CENPK: variants seen among roughly 807,000 people sequenced by gnomAD.
CENPK encodes SoxLZ/Sox6-binding protein Solt.
A neutral mutation model predicts 40.9 loss-of-function variants in CENPK; 46 were observed. The ratio of observed to expected loss-of-function variants is 1.13; its 90% CI spans 0.89 to 1.44. The LOEUF (loss-of-function observed/expected upper bound fraction) is 1.44. Among genes scored for constraint, CENPK ranks in the 40% most tolerant of loss-of-function variants. The pLI is 0.00. For missense variants in CENPK, 288 were observed against 303.5 expected, an observed-to-expected ratio of 0.95 and a Z score of 0.38; for synonymous variants, 107 against 104.4, an observed-to-expected ratio of 1.02 and a Z score of -0.15.
chr5:65,528,244 G>T (rs1244743735), intron 9 of CENPK, among the ~76,000 whole-genome samples: 2 of 87,672 alleles, frequency 2.3e-5, no homozygotes, highest in African/African-American at 4.3e-5. Flanking sequence ...CTGTCCCCCC[G>T]CCCCCCTGCC....
intron 6 of CENPK, among the ~76,000 whole-genome samples, chr5:65,531,212 C>T (rs1745747114): frequency 6.9e-6 from 1 of 145,172 alleles, no homozygotes; most frequent in Non-Finnish European, 1.5e-5. Context: ...TCAATGCAAT[C>T]ATATTGATTA....
chr5:65,551,527 G>T, intron 5 of CENPK, 37 bp downstream of exon 5: 1 of 1,151,060 alleles, frequency 8.7e-7, no homozygotes, highest in Non-Finnish European at 1.2e-6. Flanking sequence ...CTATTAATAG[G>T]TTTACAAAAA....
intron 6 of CENPK, among the ~76,000 whole-genome samples, chr5:65,542,261 T>A (rs1365691089): frequency 6.6e-6 from 1 of 152,222 alleles, no homozygotes; most frequent in Non-Finnish European, 1.5e-5. Flanking sequence ...TTGTGAAGTT[T>A]AACTAAAAAC....
intron 5 of CENPK, chr5:65,551,190 C>T: frequency 2.6e-6 from 1 of 377,684 alleles, no homozygotes; most frequent in South Asian, 1.8e-5. Flanking sequence ...ATCGGGGCTG[C>T]AATGAGCCAT....
At chr5:65,528,106 TGG>T (rs1745054454) in intron 9 of CENPK, among the ~76,000 whole-genome samples, 1 of 152,022 alleles carries the variant, frequency 6.6e-6, no homozygotes, top group African/African-American at 2.4e-5. Flanking sequence ...CTGGGCATGG[TGG>T]CACACACCTG....
At chr5:65,513,521 TTTCC>T (rs534364123), downstream of CENPK, among the ~76,000 whole-genome samples, 273 of 152,310 alleles carry the variant, frequency 1.8e-3, no homozygotes, top group African/African-American at 5.8e-3. Flanking sequence ...GTTAATTTTG[TTTCC>T]TTCCTTCTTT....
downstream of CENPK, among the ~76,000 whole-genome samples, chr5:65,513,302 C>T (rs1742644340): frequency 1.3e-5 from 2 of 152,232 alleles, no homozygotes; most frequent in South Asian, 4.1e-4. Flanking sequence ...TGGGTCGTTC[C>T]CTCATTAACT....
chr5:65,518,823 A>C (rs887043775), intron 10 of CENPK, among the ~76,000 whole-genome samples, 190 bp from the exon 11 acceptor site: 1 of 152,192 alleles, frequency 6.6e-6, no homozygotes. Flanking sequence ...CTTTAAAGTG[A>C]ATTTTTGCAT....
chr5:65,552,667 G>C (rs1016889110), intron 3 of CENPK, 118 bp from the exon 4 acceptor site: 106 of 514,974 alleles, frequency 2.1e-4, no homozygotes, highest in Non-Finnish European at 2.7e-5. Flanking sequence ...ACATCTGATG[G>C]AGAAGAGTTT....
chr5:65,548,125 A>T (rs77990268), intron 5 of CENPK, among the ~76,000 whole-genome samples: 9,984 of 152,274 alleles, frequency 0.066, 455 homozygotes, highest in Non-Finnish European at 0.096. Context: ...ATAGAATATC[A>T]TATGCAGGGA....
intron 8 of CENPK, 22 bp from the exon 9 acceptor site, chr5:65,528,600 G>C: frequency 6.7e-7 from 1 of 1,494,022 alleles, no homozygotes; most frequent in Non-Finnish European, 8.9e-7. Context: ...AAAAAATTAA[G>C]AGAAACATTT....
At chr5:65,514,263 G>GTTTTTTTTTTTTTTTTTTT (rs59636233), downstream of CENPK, among the ~76,000 whole-genome samples, 12 of 27,718 alleles carry the variant, frequency 4.3e-4, 1 homozygote, top group Non-Finnish European at 5.1e-4. Flanking sequence ...TTTTTTTTTA[G>GTTTTTTTTTTTTTTTTTTT]TTTTTTTTAG....
At chr5:65,561,925 TGA>T in intron 1 of CENPK, among the ~76,000 whole-genome samples, 1 of 152,290 alleles carries the variant, frequency 6.6e-6, no homozygotes, top group East Asian at 1.9e-4. Context: ...GCTGTGTAGA[TGA>T]AAAAGTCTTT....
At chr5:65,505,129 G>T in the CENPK span, among the ~76,000 whole-genome samples, 1 of 151,832 alleles carries the variant, frequency 6.6e-6, no homozygotes, top group Non-Finnish European at 1.5e-5. Context: ...TAGAGACAGG[G>T]TCTCACTTTG....
chr5:65,524,535 C>G (rs1167805940), intron 9 of CENPK: 2 of 149,060 alleles, frequency 1.3e-5, no homozygotes, highest in Non-Finnish European at 3.0e-5. Flanking sequence ...AACAAATTAA[C>G]TGGGCATGGT....
At chr5:65,499,642 A>C in the CENPK span, among the ~76,000 whole-genome samples, 358 of 142,854 alleles carry the variant, frequency 2.5e-3, 2 homozygotes, top group African/African-American at 9.1e-3. Context: ...GATGACAAAA[A>C]TATTAGATCT....
At chr5:65,497,489 A>C in the CENPK span, among the ~76,000 whole-genome samples, 1 of 152,204 alleles carries the variant, frequency 6.6e-6, no homozygotes, top group South Asian at 2.1e-4. Flanking sequence ...TAAGCAAAGG[A>C]GAAAGAGCAA....
chr5:65,521,429 T>C (rs751512321), intron 10 of CENPK, 46 bp downstream of exon 10: 3 of 1,465,012 alleles, frequency 2.0e-6, no homozygotes, highest in African/African-American at 1.4e-5. Flanking sequence ...TGTTCACAAA[T>C]GACTAAGACA....
chr5:65,520,521 G>T (rs1054738085), intron 10 of CENPK, among the ~76,000 whole-genome samples: 3 of 151,712 alleles, frequency 2.0e-5, no homozygotes, highest in Non-Finnish European at 4.4e-5. Flanking sequence ...AAAAAAAAAG[G>T]TTAAGTCATC....
Sources: allele counts gnomAD v4.1 joint callset (sites outside exome capture counted in the v4.1 genomes callset), GRCh38; gene constraint gnomAD v4.1.1; transcripts MANE v1.5; gene names NCBI Gene and HGNC (gene_info 2026-07-23, HGNC 2026-07-21).